Variants in CEP85L observed in about 807,000 individuals in gnomAD.
CEP85L encodes centrosomal protein of 85 kDa-like.
CEP85L carries 60 observed loss-of-function variants against 100.3 expected under a neutral mutation model. That is an observed-to-expected ratio of 0.60 (90% CI 0.49 to 0.74). The LOEUF (loss-of-function observed/expected upper bound fraction) is 0.74, where lower values mean the gene tolerates loss of function less well. CEP85L is among the 30% of genes least tolerant of loss of function. The probability of loss-of-function intolerance (pLI) is 0.00; values close to 1 mark genes in which losing one functional copy is unlikely to be tolerated. For missense variants in CEP85L, 973 were observed against 936.2 expected (o/e 1.04, Z -0.51); for synonymous variants, 319 against 322.7 (o/e 0.99, Z 0.12).
chr6:118,646,389 C>G (rs867145934), intron 1 of CEP85L, among the ~76,000 whole-genome samples: 40 of 151,878 alleles, frequency 2.6e-4, no homozygotes, highest in African/African-American at 9.7e-4. Context: ...TAAAAATTGG[C>G]TGGGTGCAGT....
intron 2 of CEP85L, among the ~76,000 whole-genome samples, chr6:118,573,261 A>G (rs573201515): frequency 6.6e-6 from 1 of 152,338 alleles, no homozygotes; most frequent in South Asian, 2.1e-4. Flanking sequence ...AATGGAATCC[A>G]GAACACAATG....
intron 3 of CEP85L, among the ~76,000 whole-genome samples, chr6:118,544,409 ATTTC>A (rs1197797577): frequency 2.0e-5 from 3 of 152,206 alleles, no homozygotes. Context: ...TCAATTGGGA[ATTTC>A]TTTTTCTCCT....
intron 2 of CEP85L, among the ~76,000 whole-genome samples, chr6:118,580,639 G>A (rs1780521117): frequency 6.6e-6 from 1 of 152,216 alleles, no homozygotes; most frequent in Non-Finnish European, 1.5e-5. Context: ...CGTTGCGCAA[G>A]GCTGGGAAAA....
Position 118,518,827 on chromosome 6 carries a change from T to C in CEP85L, c.1139+4975A>G, listed in dbSNP as rs929183008. The stretch of plus-strand genomic sequence containing the variant: ...AGTTCTTTTAGTTGCGATGTTAGAG[T>C]GTCAATTTTAGATCTTTCCTGCTTT... On this transcript the variant is annotated intron_variant, in intron 4 of 12. Coordinates refer to ENST00000368491, the MANE Select transcript of CEP85L (RefSeq NM_001042475.3). Among the ~76,000 whole-genome samples the C allele has an allele frequency of 4.6e-5, 7 of 152,204 alleles. No individual in the cohort carries two copies. The East Asian group carries it at 1.3e-3, about 29-fold the overall frequency.
chr6:118,677,565 T>C (rs2115439835), intron 1 of CEP85L, among the ~76,000 whole-genome samples: 1 of 152,338 alleles, frequency 6.6e-6, no homozygotes, highest in East Asian at 1.9e-4. Context: ...TTGACCTTCA[T>C]CCTGATCTCC....
At chr6:118,484,377 CA>C (rs1331190611) in intron 6 of CEP85L, among the ~76,000 whole-genome samples, 2 of 152,080 alleles carry the variant, frequency 1.3e-5, no homozygotes, top group Non-Finnish European at 1.5e-5. Flanking sequence ...CTGAAATCAA[CA>C]GTTTAGGGAA....
intron 3 of CEP85L, among the ~76,000 whole-genome samples, chr6:118,558,296 T>C (rs189359130): frequency 3.2e-4 from 49 of 152,290 alleles, no homozygotes; most frequent in Middle Eastern, 3.4e-3. Context: ...ATAGTTCATA[T>C]TTCTCTCAAC....
chr6:118,571,579 G>A (rs7764014), intron 2 of CEP85L, among the ~76,000 whole-genome samples: 4,378 of 151,826 alleles, frequency 0.029, 105 homozygotes, highest in African/African-American at 0.056. Flanking sequence ...CTTATATACA[G>A]GGATGGTATC....
In CEP85L at chr6:118,576,840, A is replaced by T. The variant is rs533581736; in HGVS notation, c.233-10524T>A. Among the ~76,000 whole-genome samples, 5 of 152,282 alleles carry T rather than the reference A, an allele frequency of 3.3e-5. No homozygotes were observed. In the South Asian group the frequency reaches 1.0e-3, roughly 32 times the overall value. On this transcript the variant is annotated intron_variant, in intron 2 of 12. Coordinates refer to ENST00000368491, the MANE Select transcript of CEP85L (RefSeq NM_001042475.3). ...TCTAAAGCAAACCATAGCCATTGAA[A>T]CACGGTACCAAGATGCAAATGCCTG... is the stretch of plus-strand genomic sequence containing the variant.
rs371079398 is a variant in CEP85L, at chr6:118,465,403, G to C, written c.*2C>G. ...CATTATTGCTGTGGGACTAACACTTGATCACTGAGTAATGCAGTTGTCTCC... is the reference window on the plus strand; with the variant it reads ...CATTATTGCTGTGGGACTAACACTTCATCACTGAGTAATGCAGTTGTCTCC... On this transcript the variant is annotated 3_prime_UTR_variant, in exon 13 of 13. Coordinates refer to ENST00000368491, the MANE Select transcript of CEP85L (RefSeq NM_001042475.3). The C allele has an allele frequency of 1.2e-5, 20 of 1,611,916 alleles. No homozygotes were observed. The highest frequency in any genetic ancestry group is 1.6e-5 in the Non-Finnish European group (19 of 1,178,810).
intron 2 of CEP85L, among the ~76,000 whole-genome samples, chr6:118,578,228 A>T (rs925105885): frequency 6.6e-6 from 1 of 152,154 alleles, no homozygotes; most frequent in Non-Finnish European, 1.5e-5. Context: ...TGTCACACCC[A>T]GACATGTCCA....
upstream of CEP85L, chr6:118,651,714 G>C (rs1186438799): frequency 2.4e-6 from 2 of 829,870 alleles, no homozygotes; most frequent in African/African-American, 3.8e-5. Context: ...CGGGGACTGC[G>C]GGGGGCGGGT....
chr6:118,563,299 A>C (rs368287312), intron 3 of CEP85L, among the ~76,000 whole-genome samples: 19 of 152,298 alleles, frequency 1.2e-4, no homozygotes, highest in African/African-American at 4.6e-4. Context: ...CTGGCTCAAT[A>C]ATTATTCTGG....
At chr6:118,524,953 T>C (rs1776879284) in intron 3 of CEP85L, among the ~76,000 whole-genome samples, 1 of 152,216 alleles carries the variant, frequency 6.6e-6, no homozygotes, top group Non-Finnish European at 1.5e-5. Flanking sequence ...GACCTGGAAA[T>C]CAATCTGTGA....
chr6:118,599,283 A>C (rs980038587), intron 2 of CEP85L, among the ~76,000 whole-genome samples: 33 of 152,328 alleles, frequency 2.2e-4, no homozygotes, highest in African/African-American at 7.5e-4. Flanking sequence ...GGAAGTGCTC[A>C]AAAAACAAAA....
chr6:118,621,586 T>A (rs188719179), intron 2 of CEP85L, among the ~76,000 whole-genome samples: 91 of 152,274 alleles, frequency 6.0e-4, no homozygotes, highest in African/African-American at 2.2e-3. Flanking sequence ...GGCTACCAGT[T>A]TGGAAGCCTC....
intron 2 of CEP85L, among the ~76,000 whole-genome samples, chr6:118,616,193 G>A (rs1773031600): frequency 1.3e-5 from 2 of 152,036 alleles, no homozygotes; most frequent in Non-Finnish European, 2.9e-5. Context: ...AAACCATAAA[G>A]GGAAAAAACC....
chr6:118,644,197 G>A (rs1202294658), intron 1 of CEP85L, among the ~76,000 whole-genome samples: 1 of 152,180 alleles, frequency 6.6e-6, no homozygotes, highest in African/African-American at 2.4e-5. Context: ...CTGCCTGGAA[G>A]CATGAGACTG....
chr6:118,641,982 T>C (rs1169492269), intron 1 of CEP85L, among the ~76,000 whole-genome samples: 1 of 152,180 alleles, frequency 6.6e-6, no homozygotes, highest in East Asian at 1.9e-4. Context: ...AACATGACTC[T>C]TGTATCTGCA....
Sources: gnomAD v4.1 joint callset for allele counts (sites outside exome capture counted in the v4.1 genomes callset) on GRCh38, gnomAD v4.1.1 for gene constraint, MANE v1.5 for transcripts, NCBI Gene and HGNC (gene_info 2026-07-23, HGNC 2026-07-21) for gene names.